HDAC5: variants seen among roughly 807,000 people sequenced by gnomAD.
HDAC5 encodes histone deacetylase 5, also known as antigen NY-CO-9.
Under a neutral mutation model 133.3 loss-of-function variants are expected in HDAC5, and 25 were observed. That is an observed-to-expected ratio of 0.19 (90% CI 0.14 to 0.26). The LOEUF (loss-of-function observed/expected upper bound fraction) is 0.26, where lower values mean the gene tolerates loss of function less well. Ranked by LOEUF, HDAC5 falls within the 10% of genes least tolerant of loss-of-function variation. HDAC5 has a pLI of 1.00. For synonymous variants in HDAC5, 589 were observed against 610.8 expected, an observed-to-expected ratio of 0.96 and a Z score of 0.53; for missense variants, 1,041 against 1,460.5, an observed-to-expected ratio of 0.71 and a Z score of 4.68.
rs367981331 is a variant in HDAC5 at position 44,091,364 on chromosome 17, T to C, written c.1293A>G (p.Ala431=). Residue 431 remains alanine, a synonymous_variant, in exon 11 of 27, where the codon GCA becomes GCG. Transcript: ENST00000682912. ...CGTGGGGGCTCCCGTCGCCCTCCAG[T>C]GCCACGCCCAGCAGGCAGCCAGGAA... ...SSIPGCLLGV[A]LEGDGSPHGH... is the part of the protein sequence containing the mutation. 1 of 1,599,034 alleles carries C rather than the reference T, an allele frequency of 6.3e-7. No individual in the cohort carries two copies. The highest frequency in any genetic ancestry group is 8.5e-7 in the Non-Finnish European group (1 of 1,172,888).
rs540143254 is a variant in HDAC5, at chr17:44,117,658, G to A, written c.-143C>T. ...GCCGCCGTGCCTCTAATGCCCATCC[G>A]AGGCCATCCTTCGGGGCGAGGCAGT... On this transcript the variant is annotated 5_prime_UTR_variant, in exon 2 of 27. Transcript: ENST00000682912. This position sits in a 1 kb window ranked among gnomAD's most constrained non-coding sequence, Gnocchi z 4.2. 153 of 883,316 alleles carry A rather than the reference G, an allele frequency of 1.7e-4. No individual in the cohort carries two copies. In the African/African-American group the frequency reaches 2.3e-3, roughly 13 times the overall value. The allele number at this position is 883,316 out of a possible 1,614,324, so 54.7% of individuals were successfully genotyped here.
In HDAC5 at chr17:44,093,303, C is replaced by A; in HGVS notation, c.526+11G>T. 1 of 1,582,804 alleles carries A rather than the reference C, an allele frequency of 6.3e-7. No individual in the cohort carries two copies. The highest frequency in any genetic ancestry group is 2.3e-5 in the East Asian group (1 of 44,320). The stretch of plus-strand genomic sequence containing the variant: ...CGGGGCCCTACGAGGTCCCAGGAGG[C>A]CCTGCCTTACTCTCTTTGCTCTTCT... On this transcript the variant is annotated intron_variant, in intron 5 of 26. Transcript: ENST00000682912.
At chr17:44,105,427 C>A in intron 3 of HDAC5, among the ~76,000 whole-genome samples, 1 of 152,218 alleles carries the variant, frequency 6.6e-6, no homozygotes, top group East Asian at 1.9e-4. Context: ...CCAGTCCAGC[C>A]ATTTCTAGCA....
chr17:44,089,067 T>C (rs2050804659), intron 11 of HDAC5, among the ~76,000 whole-genome samples: 1 of 152,116 alleles, frequency 6.6e-6, no homozygotes, highest in African/African-American at 2.4e-5. Context: ...ACTTAAGGGC[T>C]GTCTAAAGTT....
intron 3 of HDAC5, among the ~76,000 whole-genome samples, chr17:44,107,477 G>A (rs558239016): frequency 3.9e-5 from 6 of 151,956 alleles, no homozygotes; most frequent in Middle Eastern, 3.4e-3. Flanking sequence ...GCACGGTGGC[G>A]TGTGCCTGTA....
chr17:44,088,489 T>C lies in HDAC5; in HGVS notation c.1497A>G (p.Ser499=), dbSNP rs773973015. 3.7e-6 allele frequency: 6 copies of C among 1,612,202 alleles called. No homozygotes were observed. The Admixed American group carries it at 1.0e-4, about 27-fold the overall frequency. ...RHRPLSRTQS[S]PLPQSPQALQ... ...GGGCCTGGGGACTCTGCGGCAGCGG[T>C]GAGGACTGAGTGCGGCTCAGGGGCC... is the stretch of plus-strand genomic sequence containing the variant. The change falls in exon 12 of 27, where the codon TCA becomes TCG. Residue 499 remains serine (S), a synonymous_variant. Transcript: ENST00000682912.
chr17:44,112,973 C>G (rs975503676), intron 2 of HDAC5, among the ~76,000 whole-genome samples: 3 of 152,202 alleles, frequency 2.0e-5, no homozygotes, highest in Non-Finnish European at 4.4e-5. Context: ...TCCTGGCCAA[C>G]CAGGCCCTCT....
chr17:44,111,302 A>C (rs1442192787), intron 2 of HDAC5: 1 of 323,548 alleles, frequency 3.1e-6, no homozygotes, highest in South Asian at 2.5e-5. Context: ...AAATAGGTGG[A>C]GCATGCTCAG....
intron 14 of HDAC5, among the ~76,000 whole-genome samples, chr17:44,085,684 T>C (rs1470573153): frequency 6.6e-6 from 1 of 152,148 alleles, no homozygotes; most frequent in East Asian, 1.9e-4. Flanking sequence ...GTATTTTTAG[T>C]AGAGACGGGG....
At chr17:44,099,544 G>A (rs1220655281) in intron 3 of HDAC5, among the ~76,000 whole-genome samples, 10 of 151,474 alleles carry the variant, frequency 6.6e-5, no homozygotes, top group Admixed American at 6.6e-4. Flanking sequence ...GCGCGATCTC[G>A]GCTCACTGCA....
intron 26 of HDAC5, 32 bp from the exon 27 acceptor site, chr17:44,078,447 T>A: frequency 6.4e-7 from 1 of 1,563,632 alleles, no homozygotes; most frequent in Non-Finnish European, 8.7e-7. Context: ...GGGTATTGAG[T>A]GGGGCGCACC....
chr17:44,094,712 CTGTGTG>C (rs373838825), intron 3 of HDAC5, among the ~76,000 whole-genome samples: 1 of 149,566 alleles, frequency 6.7e-6, no homozygotes, highest in African/African-American at 2.5e-5. Flanking sequence ...TTTTATGTAT[CTGTGTG>C]TGTGTGTGTA....
At chr17:44,106,627 G>C (rs1013162723) in intron 3 of HDAC5, among the ~76,000 whole-genome samples, 1 of 149,378 alleles carries the variant, frequency 6.7e-6, no homozygotes, top group African/African-American at 2.5e-5. Flanking sequence ...TCTTGCTCTT[G>C]TTGCCCAGGC....
At chr17:44,088,642 C>T (rs1354556051) in intron 11 of HDAC5, 44 bp from the exon 12 acceptor site, 2 of 1,585,916 alleles carry the variant, frequency 1.3e-6, no homozygotes, top group Non-Finnish European at 1.7e-6. Flanking sequence ...GTCAGGGCAC[C>T]TGACTGCCCT....
intron 14 of HDAC5, among the ~76,000 whole-genome samples, chr17:44,086,008 A>C (rs2077490964): frequency 6.6e-6 from 1 of 152,094 alleles, no homozygotes; most frequent in South Asian, 2.1e-4. Flanking sequence ...ATTGCCTATC[A>C]GAAGCTTCCC....
At chr17:44,085,338 T>C (rs1372311924) in intron 14 of HDAC5, 183 bp from the exon 15 acceptor site, 1 of 499,450 alleles carries the variant, frequency 2.0e-6, no homozygotes, top group East Asian at 3.2e-5. Context: ...TTTTTTTTTT[T>C]TTCTTTGAAA....
At position 44,087,499 on chromosome 17, in the gene HDAC5, C is replaced by T; in HGVS notation, c.1797G>A (p.Glu599=). The change falls in exon 13 of 27, where the codon GAG becomes GAA. Residue 599 remains glutamate, a synonymous_variant. Coordinates refer to ENST00000682912, the MANE Select transcript of HDAC5 (RefSeq NM_005474.5). ...EDEEDDGEEE[E]DCIQVKDEEG... The stretch of plus-strand genomic sequence containing the variant: ...CCTCGTCCTTAACCTGGATGCAATC[C>T]TCCTCCTCCTCCCCATCGTCTTCCT... The T allele has an allele frequency of 1.3e-6, 2 of 1,552,936 alleles. No individual in the cohort carries two copies. The highest frequency in any genetic ancestry group is 1.8e-6 in the Non-Finnish European group (2 of 1,125,130).
chr17:44,080,052 T>C, intron 23 of HDAC5, 55 bp downstream of exon 23: 1 of 1,267,584 alleles, frequency 7.9e-7, no homozygotes, highest in East Asian at 2.3e-5. Context: ...CATGCCTCAC[T>C]GGACTCGATA....
intron 20 of HDAC5, among the ~76,000 whole-genome samples, chr17:44,081,354 A>G (rs1187967012): frequency 1.3e-5 from 2 of 151,674 alleles, no homozygotes; most frequent in Non-Finnish European, 2.9e-5. Flanking sequence ...GGTTCAAGCG[A>G]TTCTCCTGCC....
Sources: gnomAD v4.1 joint callset for allele counts (sites outside exome capture counted in the v4.1 genomes callset) on GRCh38, gnomAD v4.1.1 for gene constraint, Gnocchi (gnomAD v3.1) non-coding constraint, MANE v1.5 for transcripts, NCBI Gene and HGNC (gene_info 2026-07-23, HGNC 2026-07-21) for gene names.